PRKCE: variants seen among roughly 807,000 people sequenced by gnomAD.
The protein encoded by PRKCE is protein kinase C epsilon type.
PRKCE carries 16 observed loss-of-function variants against 85.4 expected under a neutral mutation model. The observed-to-expected ratio is 0.19, with a 90% CI of 0.13 to 0.28. The LOEUF is 0.28. Ranked by LOEUF, PRKCE falls within the 10% of genes least tolerant of loss-of-function variation. PRKCE has a pLI of 1.00. For synonymous variants in PRKCE, 388 were observed against 371.5 expected (o/e 1.04, Z -0.51); for missense variants, 573 against 975.2 (o/e 0.59, Z 5.49).
In PRKCE at chr2:46,123,214, C is replaced by CTTTTTTTTTTTTTTTTTTTTTTT. The variant is rs70937991; in HGVS notation, c.1593-21872_1593-21850dup. Among the ~76,000 whole-genome samples, 115 of 27,372 alleles carry CTTTTTTTTTTTTTTTTTTTTTTT rather than the reference C, an allele frequency of 4.2e-3. 28 individuals carry two copies. The highest frequency in any genetic ancestry group is 5.8e-3 in the African/African-American group (46 of 7,908). The allele number at this position is 27,372 out of a possible 152,430, so 18.0% of individuals were successfully genotyped here. A position where few individuals can be genotyped will look rare whatever the true frequency, so the allele number is the denominator to read the frequency against. On this transcript the variant is annotated intron_variant, in intron 11 of 14. Coordinates refer to ENST00000306156, the MANE Select transcript of PRKCE (RefSeq NM_005400.3). ...AAGCTTTACAAAGGAAAACACTTGCCTTTTTTTTTTTTTTTTTTTTTTTTT... is the reference window on the plus strand; with the variant it reads ...AAGCTTTACAAAGGAAAACACTTGCCTTTTTTTTTTTTTTTTTTTTTTTTTTTTTTTTTTTTTTTTTTTTTTTT...
At chr2:46,093,283 T>A (rs1407981060) in intron 11 of PRKCE, among the ~76,000 whole-genome samples, 2 of 152,196 alleles carry the variant, frequency 1.3e-5, no homozygotes, top group Non-Finnish European at 2.9e-5. Flanking sequence ...AAACCAAAAT[T>A]GTGGAATAAC....
intron 14 of PRKCE, among the ~76,000 whole-genome samples, chr2:46,175,934 A>G (rs1321339577): frequency 2.6e-5 from 4 of 152,078 alleles, no homozygotes; most frequent in Non-Finnish European, 5.9e-5. Flanking sequence ...CTTTATATGG[A>G]GGGACTCCAC....
chr2:45,830,478 G>T (rs12470595), intron 1 of PRKCE, among the ~76,000 whole-genome samples: 96,056 of 152,074 alleles, frequency 0.63, 31,679 homozygotes, highest in African/African-American at 0.83. Flanking sequence ...AAAAGAAATG[G>T]ATATATATAT....
chr2:45,934,637 A>G (rs1207345589), intron 2 of PRKCE, among the ~76,000 whole-genome samples: 2 of 148,322 alleles, frequency 1.3e-5, no homozygotes, highest in African/African-American at 4.9e-5. Context: ...TGATAAAGCG[A>G]GACTCTGCCT....
chr2:46,111,896 A>G (rs1209798387), intron 11 of PRKCE, among the ~76,000 whole-genome samples: 1 of 152,198 alleles, frequency 6.6e-6, no homozygotes, highest in African/African-American at 2.4e-5. Context: ...GTGTTTTCCA[A>G]AAATGGCTGT....
intron 2 of PRKCE, among the ~76,000 whole-genome samples, chr2:45,856,649 T>C (rs1352950521): frequency 6.6e-6 from 1 of 152,236 alleles, no homozygotes; most frequent in Non-Finnish European, 1.5e-5. Flanking sequence ...GGAAAACTTA[T>C]TCTTCCTGTC....
intron 1 of PRKCE, among the ~76,000 whole-genome samples, chr2:45,696,071 C>T (rs1212294975): frequency 1.3e-5 from 2 of 150,634 alleles, no homozygotes; most frequent in East Asian, 2.0e-4. Context: ...GGTATATCTC[C>T]TAATGCTATC....
intron 2 of PRKCE, among the ~76,000 whole-genome samples, chr2:45,855,915 G>A (rs143097994): frequency 2.2e-4 from 33 of 152,120 alleles, no homozygotes; most frequent in African/African-American, 7.7e-4. Context: ...CCTACCTTCT[G>A]TCTTTGCTTG....
At chr2:45,661,783 C>A (rs1439769103) in intron 1 of PRKCE, among the ~76,000 whole-genome samples, 1 of 151,744 alleles carries the variant, frequency 6.6e-6, no homozygotes, top group African/African-American at 2.4e-5. Context: ...TCATGATCCA[C>A]CCGCCTTGGC....
intron 1 of PRKCE, among the ~76,000 whole-genome samples, chr2:45,744,443 TTC>T (rs1192172933): frequency 1.9e-5 from 1 of 52,502 alleles, no homozygotes; most frequent in Non-Finnish European, 3.6e-5. Flanking sequence ...CTTTCTTTCT[TTC>T]TTTCTTTCTT....
chr2:46,147,903 T>C (rs1171127927), intron 12 of PRKCE, among the ~76,000 whole-genome samples: 3 of 152,186 alleles, frequency 2.0e-5, no homozygotes, highest in Non-Finnish European at 4.4e-5. Context: ...GAGTCTCAGG[T>C]TTCTCATCTT....
chr2:46,129,071 C>T (rs1674150459), intron 11 of PRKCE, among the ~76,000 whole-genome samples: 1 of 152,224 alleles, frequency 6.6e-6, no homozygotes, highest in African/African-American at 2.4e-5. Context: ...CTGTGGGCCC[C>T]TGAGCAAGAC....
chr2:46,014,904 G>T (rs951235304), intron 10 of PRKCE, among the ~76,000 whole-genome samples: 1 of 152,162 alleles, frequency 6.6e-6, no homozygotes, highest in African/African-American at 2.4e-5. Context: ...TTTTTCCAAT[G>T]CTTGAACTCC....
chr2:46,117,780 T>C (rs1672923151), intron 11 of PRKCE, among the ~76,000 whole-genome samples: 1 of 152,250 alleles, frequency 6.6e-6, no homozygotes, highest in African/African-American at 2.4e-5. Context: ...TTATTATTAC[T>C]GATCCCTTAC....
rs1202217952 is a variant in PRKCE, at chr2:46,185,979, T to C, written c.*1098T>C. 2 of 152,532 alleles carry C rather than the reference T, an allele frequency of 1.3e-5. No homozygotes were observed. The highest frequency in any genetic ancestry group is 1.9e-4 in the East Asian group (1 of 5,208). The allele number at this position is 152,532 out of a possible 1,614,324, so 9.4% of individuals were successfully genotyped here. A position where few individuals can be genotyped will look rare whatever the true frequency, so the allele number is the denominator to read the frequency against. On this transcript the variant is annotated 3_prime_UTR_variant, in exon 15 of 15. Coordinates refer to ENST00000306156, the MANE Select transcript of PRKCE (RefSeq NM_005400.3). This position sits in a 1 kb window ranked among gnomAD's most constrained non-coding sequence, Gnocchi z 4.7. ...AACATGTAAAGTTATATACGAAATA[T>C]CTGCTTTTGGAATAAGCAGAATGAG...
intron 10 of PRKCE, among the ~76,000 whole-genome samples, chr2:46,017,218 C>A (rs1359794166): frequency 1.3e-5 from 2 of 152,144 alleles, no homozygotes; most frequent in Admixed American, 1.3e-4. Context: ...CCTTCCTATT[C>A]CCTCTCCCCA....
chr2:45,974,059 G>A (rs535123517), intron 2 of PRKCE, among the ~76,000 whole-genome samples: 1 of 152,318 alleles, frequency 6.6e-6, no homozygotes, highest in East Asian at 1.9e-4. Flanking sequence ...TGCCCAGGAT[G>A]ATGTTTCTGG....
intron 10 of PRKCE, among the ~76,000 whole-genome samples, chr2:46,053,597 A>G (rs1011254136): frequency 6.6e-6 from 1 of 152,182 alleles, no homozygotes; most frequent in Non-Finnish European, 1.5e-5. Context: ...GCGGAGTCAT[A>G]CAGTATCTAT....
At chr2:45,936,432 C>G (rs1397944142) in intron 2 of PRKCE, among the ~76,000 whole-genome samples, 5 of 152,352 alleles carry the variant, frequency 3.3e-5, no homozygotes, top group South Asian at 4.1e-4. Flanking sequence ...GCCTAAGTCA[C>G]TGGCTTGGTG....
Sources: gnomAD v4.1 joint callset for allele counts (sites outside exome capture counted in the v4.1 genomes callset) on GRCh38, gnomAD v4.1.1 for gene constraint, Gnocchi (gnomAD v3.1) non-coding constraint, MANE v1.5 for transcripts, NCBI Gene and HGNC (gene_info 2026-07-23, HGNC 2026-07-21) for gene names.